Variants in ANKS1B observed in about 807,000 individuals in gnomAD.
The protein encoded by ANKS1B is ankyrin repeat and sterile alpha motif domain-containing protein 1B.
Under a neutral mutation model 148.3 loss-of-function variants are expected in ANKS1B, and 36 were observed. That is an observed-to-expected ratio of 0.24 (90% CI 0.19 to 0.32). The LOEUF (loss-of-function observed/expected upper bound fraction) is 0.32. ANKS1B is among the 10% of genes least tolerant of loss of function. The pLI, the probability that ANKS1B is intolerant of heterozygous loss-of-function variation, is 1.00. For synonymous variants in ANKS1B, 542 were observed against 560.8 expected (o/e 0.97, Z 0.47); for missense variants, 1,157 against 1,542.6 (o/e 0.75, Z 4.19).
At position 99,466,785 on chromosome 12, in the gene ANKS1B, T is replaced by C. The variant is rs546862822; in HGVS notation, c.1439-22976A>G. On this transcript the variant is annotated intron_variant, in intron 10 of 26. Transcript: ENST00000683438. The stretch of plus-strand genomic sequence containing the variant: ...AGACCAATAACAGGAGCTGAAATTG[T>C]GGCAATAATCAATAGCTTACCAACC... Among the ~76,000 whole-genome samples, 10 of 152,106 alleles carry C rather than the reference T, an allele frequency of 6.6e-5. No individual in the cohort carries two copies. In the East Asian group the frequency reaches 1.9e-3, roughly 29 times the overall value.
intron 15 of ANKS1B, among the ~76,000 whole-genome samples, chr12:99,152,010 A>G (rs934437567): frequency 2.0e-5 from 3 of 152,206 alleles, no homozygotes; most frequent in Non-Finnish European, 2.9e-5. Flanking sequence ...AAAAGCTAGA[A>G]TATGATACTG....
chr12:99,084,757 CATAGT>C (rs1416213707), intron 16 of ANKS1B, among the ~76,000 whole-genome samples, 163 bp downstream of exon 16: 2 of 152,034 alleles, frequency 1.3e-5, no homozygotes, highest in Non-Finnish European at 2.9e-5. Context: ...AAGTGTGGCC[CATAGT>C]AGTCTCATAA....
intron 10 of ANKS1B, among the ~76,000 whole-genome samples, chr12:99,488,481 C>G (rs532412981): frequency 6.6e-6 from 1 of 152,074 alleles, no homozygotes; most frequent in East Asian, 1.9e-4. Flanking sequence ...AAATTTTTAC[C>G]AGAAATGTTT....
At chr12:98,941,246 C>T (rs979465260) in intron 17 of ANKS1B, among the ~76,000 whole-genome samples, 1 of 152,164 alleles carries the variant, frequency 6.6e-6, no homozygotes, top group Non-Finnish European at 1.5e-5. Context: ...AGAAGCTTAT[C>T]TAATAACACA....
chr12:99,194,508 C>T (rs911321429), intron 14 of ANKS1B, among the ~76,000 whole-genome samples: 2 of 151,888 alleles, frequency 1.3e-5, no homozygotes, highest in Non-Finnish European at 2.9e-5. Flanking sequence ...GCTTGTAAAA[C>T]ATTTTGGAAT....
intron 12 of ANKS1B, among the ~76,000 whole-genome samples, chr12:99,380,863 G>A (rs2093617154): frequency 6.6e-6 from 1 of 150,692 alleles, no homozygotes; most frequent in African/African-American, 2.5e-5. Flanking sequence ...ACCATAATAG[G>A]TGCTAGAGAT....
intron 9 of ANKS1B, among the ~76,000 whole-genome samples, chr12:99,572,369 C>G (rs1051821781): frequency 6.6e-6 from 1 of 152,156 alleles, no homozygotes; most frequent in African/African-American, 2.4e-5. Flanking sequence ...TCCCATACTA[C>G]ATTTTCCTAT....
intron 8 of ANKS1B, among the ~76,000 whole-genome samples, chr12:99,663,852 A>G (rs182143990): frequency 1.1e-3 from 173 of 152,306 alleles, no homozygotes; most frequent in Non-Finnish European, 2.1e-3. Context: ...AATTCCTCTG[A>G]AACGCTTAGT....
intron 17 of ANKS1B, among the ~76,000 whole-genome samples, chr12:98,865,917 T>C (rs2099621969): frequency 6.6e-6 from 1 of 152,158 alleles, no homozygotes. Flanking sequence ...AAGATCAAGA[T>C]GCTGGCAGAT....
chr12:99,452,697 T>C (rs1028778607), intron 10 of ANKS1B, among the ~76,000 whole-genome samples: 4 of 152,192 alleles, frequency 2.6e-5, no homozygotes, highest in African/African-American at 9.7e-5. Flanking sequence ...AAGATAATAT[T>C]TAACAGTAAT....
chr12:98,950,074 T>A (rs1454582676), intron 17 of ANKS1B, among the ~76,000 whole-genome samples: 1 of 152,240 alleles, frequency 6.6e-6, no homozygotes, highest in Non-Finnish European at 1.5e-5. Context: ...ATGATGGTCA[T>A]GCTGAATGAA....
chr12:99,849,574 A>G (rs1417943950), intron 1 of ANKS1B, among the ~76,000 whole-genome samples: 1 of 152,210 alleles, frequency 6.6e-6, no homozygotes, highest in African/African-American at 2.4e-5. Flanking sequence ...AAGCATGTAC[A>G]GCACTGTTCA....
chr12:99,402,610 A>T (rs961311184), intron 11 of ANKS1B, among the ~76,000 whole-genome samples: 2 of 145,806 alleles, frequency 1.4e-5, no homozygotes, highest in Non-Finnish European at 3.0e-5. Context: ...TCAGGATAAC[A>T]GCCTCCAGCT....
chr12:99,482,784 T>A (rs747064711), intron 10 of ANKS1B, among the ~76,000 whole-genome samples: 10 of 151,934 alleles, frequency 6.6e-5, no homozygotes, highest in Non-Finnish European at 1.2e-4. Flanking sequence ...GTAAAAGGGA[T>A]TGAGTTATTG....
chr12:99,051,691 T>C (rs747786217), intron 17 of ANKS1B, among the ~76,000 whole-genome samples: 1 of 152,218 alleles, frequency 6.6e-6, no homozygotes, highest in Admixed American at 6.5e-5. Context: ...GAAATAATGA[T>C]AGCTTTTGTG....
At chr12:98,914,535 T>C (rs1488960626) in intron 17 of ANKS1B, among the ~76,000 whole-genome samples, 1 of 152,108 alleles carries the variant, frequency 6.6e-6, no homozygotes, top group Non-Finnish European at 1.5e-5. Flanking sequence ...TCTAGGAGCC[T>C]TGATATTCTA....
At chr12:99,870,012 T>C (rs1026233781) in intron 1 of ANKS1B, among the ~76,000 whole-genome samples, 2 of 152,222 alleles carry the variant, frequency 1.3e-5, no homozygotes, top group Non-Finnish European at 2.9e-5. Flanking sequence ...TATTGTGTGA[T>C]GTTGAGAATT....
intron 17 of ANKS1B, among the ~76,000 whole-genome samples, chr12:98,920,260 C>T (rs945818930): frequency 1.3e-5 from 2 of 152,216 alleles, no homozygotes; most frequent in Non-Finnish European, 2.9e-5. Flanking sequence ...GTTCCAGAGG[C>T]TGGGCACCTT....
At chr12:99,719,966 A>G (rs1464240951) in intron 8 of ANKS1B, among the ~76,000 whole-genome samples, 1 of 151,970 alleles carries the variant, frequency 6.6e-6, no homozygotes, top group Non-Finnish European at 1.5e-5. Context: ...CCACTTATCA[A>G]TCTCTTCCCA....
Sources: allele counts gnomAD v4.1 joint callset (sites outside exome capture counted in the v4.1 genomes callset), GRCh38; gene constraint gnomAD v4.1.1; transcripts MANE v1.5; gene names NCBI Gene and HGNC (gene_info 2026-07-23, HGNC 2026-07-21).